The following CNPY4 variants were observed in gnomAD, a reference collection of about 807,000 sequenced individuals.
CNPY4 encodes protein canopy homolog 4.
In CNPY4, 33 loss-of-function variants were observed where a neutral mutation model predicts 30.1. The ratio of observed to expected loss-of-function variants is 1.10; its 90% CI spans 0.83 to 1.46. The LOEUF is 1.46. Among genes scored for constraint, CNPY4 ranks in the 40% most tolerant of loss-of-function variants. The pLI is 0.00. For missense variants in CNPY4, 324 were observed against 302.6 expected, an observed-to-expected ratio of 1.07 and a Z score of -0.52; for synonymous variants, 109 against 110.1, an observed-to-expected ratio of 0.99 and a Z score of 0.06.
chr7:100,122,684 A>G (rs1798108244), intron 3 of CNPY4, 100 bp from the exon 4 acceptor site: 2 of 1,521,594 alleles, frequency 1.3e-6, no homozygotes, highest in African/African-American at 2.8e-5. Flanking sequence ...CATGGAACTC[A>G]CCCTTGAATC....
chr7:100,120,005 A>C, intron 1 of CNPY4, 143 bp downstream of exon 1: 1 of 700,490 alleles, frequency 1.4e-6, no homozygotes, highest in Non-Finnish European at 2.2e-6. Context: ...CTGAATTTGG[A>C]TGGGGTCAAG....
intron 4 of CNPY4, among the ~76,000 whole-genome samples, chr7:100,123,444 G>T (rs747224914): frequency 1.3e-5 from 2 of 152,030 alleles, no homozygotes; most frequent in Non-Finnish European, 2.9e-5. Context: ...TGAGGGAGAA[G>T]GACTGTTTGA....
Position 100,124,798 on chromosome 7 carries a change from G to T in CNPY4, c.657G>T (p.Gln219His). 6.3e-7 allele frequency: 1 copy of T among 1,575,794 alleles called. No homozygotes were observed. Residue 219 changes from glutamine to histidine, a missense_variant, in exon 6 of 6, where the codon CAG (glutamine) becomes CAT (histidine). Coordinates refer to ENST00000262932, the MANE Select transcript of CNPY4 (RefSeq NM_152755.2). Reference protein sequence around the residue: ...GEEKTEGEEEQEEEEEEEEEE... With the variant: ...GEEKTEGEEEHEEEEEEEEEE... The stretch of plus-strand genomic sequence containing the variant: ...AGAAAACAGAAGGGGAGGAAGAGCA[G>T]GAGGAGGAGGAGGAAGAGGAGGAAG...
At chr7:100,121,111 T>TATATAC (rs1562938289) in intron 1 of CNPY4, 4 of 35,348 alleles carry the variant, frequency 1.1e-4, no homozygotes, top group Non-Finnish European at 2.2e-4. Flanking sequence ...TATATATATA[T>TATATAC]ATATATTTTT....
At chr7:100,122,649 G>A (rs1398902072) in intron 3 of CNPY4, 72 bp downstream of exon 3, 3 of 1,515,928 alleles carry the variant, frequency 2.0e-6, no homozygotes, top group South Asian at 1.2e-5. Context: ...GCCCTCCAGA[G>A]GTTATCTGCC....
At chr7:100,121,108 ATATATATATTTTTTTTTTTTTTTTTTT>A (rs1359882428) in intron 1 of CNPY4, 4 of 17,896 alleles carry the variant, frequency 2.2e-4, no homozygotes, top group Admixed American at 4.7e-4. Context: ...ATATATATAT[ATATATATATTTTTTTTTTTTTTTTTTT>A]TTTTTTTTTT....
At chr7:100,122,663 C>T in intron 3 of CNPY4, 86 bp downstream of exon 3, 1 of 1,503,620 alleles carries the variant, frequency 6.7e-7, no homozygotes, top group Non-Finnish European at 9.0e-7. Flanking sequence ...ATCTGCCCAT[C>T]ATCTCACCAT....
chr7:100,124,688 G>A, intron 5 of CNPY4, 37 bp from the exon 6 acceptor site: 1 of 1,613,208 alleles, frequency 6.2e-7, no homozygotes, highest in South Asian at 1.1e-5. Flanking sequence ...CTGCCTCCAG[G>A]ACTAATATCT....
chr7:100,123,261 G>A (rs1798120079), intron 4 of CNPY4, among the ~76,000 whole-genome samples: 2 of 151,858 alleles, frequency 1.3e-5, no homozygotes, highest in African/African-American at 4.8e-5. Context: ...AGAATTGCTT[G>A]AATCCAGGAG....
chr7:100,123,651 G>A (rs1798131479), intron 4 of CNPY4, among the ~76,000 whole-genome samples: 1 of 152,032 alleles, frequency 6.6e-6, no homozygotes, highest in South Asian at 2.1e-4. Flanking sequence ...CTCCCGAGTA[G>A]CTGGGATTAC....
rs757260195 is a variant in CNPY4, at chr7:100,122,275, C to G, written c.135C>G (p.Ser45Arg). ...PSKCEVCKLL[S>R]TELQAELSRT... ...CCCCACCAGTGTGTAAGCTGCTGAG[C>G]ACAGAGCTACAGGCGGAACTGAGTC... The change falls in exon 2 of 6, where the codon AGC becomes AGG. Residue 45 changes from serine (S) to arginine (R), a missense_variant. Coordinates refer to ENST00000262932, the MANE Select transcript of CNPY4 (RefSeq NM_152755.2). 6 of 1,613,922 alleles carry G rather than the reference C, an allele frequency of 3.7e-6. No homozygotes were observed. Among genetic ancestry groups the G allele is most frequent in the Non-Finnish European group, 5.1e-6 (6 of 1,179,996 alleles).
intron 4 of CNPY4, among the ~76,000 whole-genome samples, chr7:100,123,255 T>C (rs951979249): frequency 5.3e-5 from 8 of 151,826 alleles, no homozygotes; most frequent in Non-Finnish European, 1.2e-4. Flanking sequence ...GGCAAGAGAA[T>C]TGCTTGAATC....
Position 100,122,815 on chromosome 7 carries a change from G to T in CNPY4, c.374G>T (p.Gly125Val). ...GQSQTMATLK[G>V]LVQKGVKVDL... ...AGTCAGACCATGGCAACACTGAAAG[G>T]CCTAGTGCAGAAGGGGGTGAAGGTG... The change falls in exon 4 of 6, where the codon GGC becomes GTC. Residue 125 changes from glycine to valine, a missense_variant. Transcript: ENST00000262932. 6.2e-7 allele frequency: 1 copy of T among 1,613,992 alleles called. No individual in the cohort carries two copies. Among genetic ancestry groups the T allele is most frequent in the Non-Finnish European group, 8.5e-7 (1 of 1,179,996 alleles).
At chr7:100,119,897 C>T (rs1797978254) in intron 1 of CNPY4, 35 bp downstream of exon 1, 2 of 1,547,420 alleles carry the variant, frequency 1.3e-6, no homozygotes, top group East Asian at 2.3e-5. Flanking sequence ...AGGCATCGCC[C>T]GGCCACACCT....
chr7:100,123,804 G>A (rs1477514960), intron 4 of CNPY4, among the ~76,000 whole-genome samples: 1 of 152,230 alleles, frequency 6.6e-6, no homozygotes, highest in Non-Finnish European at 1.5e-5. Flanking sequence ...ACAGGCATGA[G>A]CCATTGGGCC....
At chr7:100,122,949 C>T in intron 4 of CNPY4, 43 bp downstream of exon 4, 1 of 1,576,424 alleles carries the variant, frequency 6.3e-7, no homozygotes, top group Admixed American at 1.8e-5. Flanking sequence ...GAGAAGGGAA[C>T]CTGAGAGGGG....
chr7:100,123,376 A>AAATCATAAT (rs1798123449), intron 4 of CNPY4, among the ~76,000 whole-genome samples: 5 of 151,876 alleles, frequency 3.3e-5, no homozygotes, highest in Admixed American at 3.3e-4. Context: ...AAAAAAAAAG[A>AAATCATAAT]AATCATAATG....
rs1395898317 is a variant in CNPY4, at chr7:100,119,823, G to A, written c.79G>A (p.Glu27Lys). The A allele has an allele frequency of 6.2e-7, 1 of 1,614,034 alleles. No individual in the cohort carries two copies. The highest frequency in any genetic ancestry group is 1.7e-4 in the Middle Eastern group (1 of 6,060). ...HEAWAGMLKE[E>K]DDDTERLPSK... ...GGCTTGGGCTGGGATGTTGAAGGAG[G>A]AGGACGATGACACAGAACGCTTGCC... Residue 27 changes from glutamate (E) to lysine (K), a missense_variant, in exon 1 of 6, where the codon GAG becomes AAG. Glu to Lys is a moderately conservative substitution (Grantham distance 56, BLOSUM62 1). Transcript: ENST00000262932.
chr7:100,122,448 T>C (rs1177921538), intron 2 of CNPY4, 33 bp from the exon 3 acceptor site: 1 of 1,613,752 alleles, frequency 6.2e-7, no homozygotes, highest in Non-Finnish European at 8.5e-7. Flanking sequence ...TCCTACAGCA[T>C]CCAGGGAATC....
Sources: allele counts gnomAD v4.1 joint callset (sites outside exome capture counted in the v4.1 genomes callset), GRCh38; gene constraint gnomAD v4.1.1; transcripts MANE v1.5; gene names NCBI Gene and HGNC (gene_info 2026-07-23, HGNC 2026-07-21).